DYNC1H1: variants seen among roughly 807,000 people sequenced by gnomAD.
DYNC1H1 encodes the protein cytoplasmic dynein 1 heavy chain 1.
A neutral mutation model predicts 527.1 loss-of-function variants in DYNC1H1; 51 were observed. The ratio of observed to expected loss-of-function variants is 0.10; its 90% CI spans 0.08 to 0.12. DYNC1H1 has a LOEUF of 0.12. Ranked by LOEUF, DYNC1H1 falls within the 10% of genes least tolerant of loss-of-function variation. The pLI, the probability that DYNC1H1 is intolerant of heterozygous loss-of-function variation, is 1.00. For synonymous variants in DYNC1H1, 2,189 were observed against 2,278.8 expected (o/e 0.96, Z 1.12); for missense variants, 2,771 against 5,971.8 (o/e 0.46, Z 17.66).
chr14:101,991,532 C>T lies in DYNC1H1; in HGVS notation c.2874C>T (p.Val958=), dbSNP rs150783632. The change falls in exon 11 of 78, where the codon GTC becomes GTT. Residue 958 remains valine, a synonymous_variant. Coordinates refer to ENST00000360184, the MANE Select transcript of DYNC1H1 (RefSeq NM_001376.5). ...KPGGEPKIKN[V]VHELRITNQV... ...ATGAAACCTTTCTTTCACAGAATGTCGTTCATGAGCTAAGAATAACCAATC... is the reference window on the plus strand; with the variant it reads ...ATGAAACCTTTCTTTCACAGAATGTTGTTCATGAGCTAAGAATAACCAATC... 5.6e-6 allele frequency: 9 copies of T among 1,614,170 alleles called. No homozygotes were observed. The highest frequency in any genetic ancestry group is 1.6e-4 in the Middle Eastern group (1 of 6,062).
chr14:102,027,342 C>T lies in DYNC1H1; in HGVS notation c.8887-41C>T, dbSNP rs375255558. On this transcript the variant is annotated intron_variant, in intron 45 of 77. Coordinates refer to ENST00000360184, the MANE Select transcript of DYNC1H1 (RefSeq NM_001376.5). This position sits in a 1 kb window ranked among gnomAD's most constrained non-coding sequence, Gnocchi z 7.7. ...CAGCAACAGATGTGTGTGCAGAGCT[C>T]AGTGAGTAGGAATGGACCTAACTTG... The T allele has an allele frequency of 5.6e-6, 9 of 1,613,910 alleles. No homozygotes were observed. Among genetic ancestry groups the T allele is most frequent in the Non-Finnish European group, 7.6e-6 (9 of 1,180,004 alleles).
rs2048535844 is a variant in DYNC1H1 at position 102,033,646 on chromosome 14, T to C, written c.10413+162T>C. 1 of 875,488 alleles carries C rather than the reference T, an allele frequency of 1.1e-6. No individual in the cohort carries two copies. The highest frequency in any genetic ancestry group is 2.0e-5 in the Admixed American group (1 of 48,896). The allele number at this position is 875,488 out of a possible 1,614,324, so 54.2% of individuals were successfully genotyped here. On this transcript the variant is annotated intron_variant, in intron 54 of 77. Coordinates refer to ENST00000360184, the MANE Select transcript of DYNC1H1 (RefSeq NM_001376.5). The surrounding 1 kb of genome is among the most constrained non-coding windows in gnomAD (Gnocchi z 5.6). ...TTCCTGGAAAATAATACACACTGAG[T>C]AGTCACTAAGTGTTGTTAATTAGGA...
Position 102,054,147 on chromosome 14 carries a change from C to T in DYNC1H1, c.*3584C>T, listed in dbSNP as rs952878270. On this transcript the variant is annotated 3_prime_UTR_variant, in exon 78 of 78. Coordinates refer to ENST00000360184, the MANE Select transcript of DYNC1H1 (RefSeq NM_001376.5). ...GCCTGAGCCTTGTTCCCAGAAAGCCCTCAACGCAGTGCTGGGCACAGACCT... is the reference window on the plus strand; with the variant it reads ...GCCTGAGCCTTGTTCCCAGAAAGCCTTCAACGCAGTGCTGGGCACAGACCT... 1 of 152,290 alleles carries T rather than the reference C, an allele frequency of 6.6e-6. No individual in the cohort carries two copies. Among genetic ancestry groups the T allele is most frequent in the Non-Finnish European group, 1.5e-5 (1 of 68,106 alleles). The allele number at this position is 152,290 out of a possible 1,614,324, so 9.4% of individuals were successfully genotyped here. A position where few individuals can be genotyped will look rare whatever the true frequency, so the allele number is the denominator to read the frequency against.
rs552617374 is a variant in DYNC1H1, at chr14:102,050,298, G to A, written c.13812+100G>A. On this transcript the variant is annotated intron_variant, in intron 77 of 77. Transcript: ENST00000360184. The stretch of plus-strand genomic sequence containing the variant: ...TATGCCTGGGTTCCACTTGGAACGG[G>A]AAATGAGGTTCACAGAGGAAATCCA... The A allele has an allele frequency of 9.7e-5, 157 of 1,611,150 alleles. 2 individuals carry two copies. In the South Asian group the frequency reaches 1.3e-3, roughly 13 times the overall value.
chr14:102,027,639 A>G lies in DYNC1H1; in HGVS notation c.9069A>G (p.Gly3023=), dbSNP rs532073330. 118 of 1,614,114 alleles carry G rather than the reference A, an allele frequency of 7.3e-5. 2 individuals carry two copies. The South Asian group carries it at 1.2e-3, about 16-fold the overall frequency. ...CCCAGGTGCCTGGTCTCTTTGAAGG[A>G]GACGAGTATGCCACCTTGATGACGC... is the stretch of plus-strand genomic sequence containing the variant. The part of the protein sequence containing the change: ...ANGEVPGLFE[G]DEYATLMTQC... Residue 3023 remains glycine (G), a synonymous_variant, in exon 47 of 78, where the codon GGA becomes GGG. Coordinates refer to ENST00000360184, the MANE Select transcript of DYNC1H1 (RefSeq NM_001376.5). This position sits in a 1 kb window ranked among gnomAD's most constrained non-coding sequence, Gnocchi z 7.7.
In DYNC1H1 at chr14:102,038,338, A is replaced by C; in HGVS notation, c.10909-122A>C. ...GCCACACATAGCTAGTGGCCACCAC[A>C]CGCAAGTGGCGGGTGGCTTTTGGGA... On this transcript the variant is annotated intron_variant, in intron 57 of 77. Coordinates refer to ENST00000360184, the MANE Select transcript of DYNC1H1 (RefSeq NM_001376.5). This position sits in a 1 kb window ranked among gnomAD's most constrained non-coding sequence, Gnocchi z 7.2. The C allele has an allele frequency of 6.7e-7, 1 of 1,486,472 alleles. No homozygotes were observed. The highest frequency in any genetic ancestry group is 9.1e-7 in the Non-Finnish European group (1 of 1,093,476). The allele number at this position is 1,486,472 out of a possible 1,614,324, so 92.1% of individuals were successfully genotyped here.
chr14:101,997,317 C>T lies in DYNC1H1; in HGVS notation c.3804+43C>T. 6.2e-7 allele frequency: 1 copy of T among 1,613,476 alleles called. No homozygotes were observed. Among genetic ancestry groups the T allele is most frequent in the African/African-American group, 1.3e-5 (1 of 75,034 alleles). On this transcript the variant is annotated intron_variant, in intron 16 of 77. Coordinates refer to ENST00000360184, the MANE Select transcript of DYNC1H1 (RefSeq NM_001376.5). This position sits in a 1 kb window ranked among gnomAD's most constrained non-coding sequence, Gnocchi z 4.8. ...GGGACGCAGGAGACTCCTCACCCAG[C>T]AGTGTGATTTGGTGACTTTCTTTCA...
rs1319903649 is a variant in DYNC1H1 at position 102,049,797 on chromosome 14, C to T, written c.13599C>T (p.Ser4533=). The change falls in exon 76 of 78, where the codon AGC becomes AGT. Residue 4533 remains serine (S), a synonymous_variant. Transcript: ENST00000360184. The surrounding 1 kb of genome is among the most constrained non-coding windows in gnomAD (Gnocchi z 5.5). ...GGCAGTATGTGGCCCAGGCCAACAG[C>T]TGGTCCCTGGAGGAGCTCTGCCTGG... ...ATRQYVAQAN[S]WSLEELCLEV... is the part of the protein sequence containing the mutation. The T allele has an allele frequency of 1.9e-6, 3 of 1,613,942 alleles. No homozygotes were observed. Among genetic ancestry groups the T allele is most frequent in the Non-Finnish European group, 1.7e-6 (2 of 1,180,044 alleles).
rs2048864235 is a variant in DYNC1H1, at chr14:102,055,291, A to G, written c.*4728A>G. ...CTCCTCCTGCATCAGCGCCCCACCC[A>G]ACAGAGCCGACCAGGCTGGGAACAC... On this transcript the variant is annotated 3_prime_UTR_variant, in exon 78 of 78. Transcript: ENST00000360184. 1.3e-5 allele frequency: 2 copies of G among 152,080 alleles called. No homozygotes were observed. 9.4% of individuals were successfully genotyped at this position (152,080 alleles called of 1,614,324 possible).
intron 11 of DYNC1H1, among the ~76,000 whole-genome samples, chr14:101,992,856 T>C (rs1031111698): frequency 2.0e-5 from 3 of 152,158 alleles, no homozygotes; most frequent in African/African-American, 7.2e-5. Context: ...CAGTGGCTGG[T>C]CTCCTTTCTC....
intron 1 of DYNC1H1, among the ~76,000 whole-genome samples, chr14:101,971,314 T>C (rs750016689): frequency 3.3e-5 from 5 of 151,932 alleles, no homozygotes; most frequent in South Asian, 4.2e-4. Flanking sequence ...GCTCGAGTGA[T>C]CCACCCACCT....
intron 62 of DYNC1H1, 110 bp from the exon 63 acceptor site, chr14:102,040,126 T>C (rs2048628340): frequency 2.1e-6 from 3 of 1,445,970 alleles, no homozygotes; most frequent in Non-Finnish European, 2.9e-6. Flanking sequence ...ATTATAGGCC[T>C]GAGCCACTGT....
rs780522040 is a variant in DYNC1H1 at position 102,022,794 on chromosome 14, G to A, written c.8551G>A (p.Asp2851Asn). The change falls in exon 43 of 78, where the codon GAC (aspartate) becomes AAC (asparagine). Residue 2851 changes from aspartate (D) to asparagine (N), a missense_variant. By Grantham distance (23) the Asp-to-Asn change is conservative (BLOSUM62 1). Around this residue, in one of 32 missense-constraint regions of DYNC1H1, gnomAD observed 163 missense variants for 346.9 expected, o/e 0.47. Transcript: ENST00000360184. ...GAGGCGTTGGACTGATGAGAACATC[G>A]ACACGGTTGCTCTGAAGCACTTCCC... ...EERRWTDENIDTVALKHFPNI... is the reference protein window; with the variant it reads ...EERRWTDENINTVALKHFPNI... 3.4e-5 allele frequency: 55 copies of A among 1,614,170 alleles called. No homozygotes were observed. In the East Asian group the frequency reaches 6.7e-4, roughly 20 times the overall value.
Position 102,042,374 on chromosome 14 carries a change from GTGT to G in DYNC1H1, c.12276-9_12276-7del. 2.5e-6 allele frequency: 4 copies of G among 1,614,210 alleles called. No homozygotes were observed. The highest frequency in any genetic ancestry group is 3.4e-6 in the Non-Finnish European group (4 of 1,180,044). On this transcript the variant is annotated splice_polypyrimidine_tract_variant and splice_region_variant and intron_variant, in intron 67 of 77. Coordinates refer to ENST00000360184, the MANE Select transcript of DYNC1H1 (RefSeq NM_001376.5). This position sits in a 1 kb window ranked among gnomAD's most constrained non-coding sequence, Gnocchi z 5.7. ...TGGCATGCTGTGTGACTCTCACTTT[GTGT>G]GTGCAGGTGGGTGATGCTGAAGAAT...
At chr14:102,022,671 GCAC>G (rs1595620762) in intron 42 of DYNC1H1, 77 bp from the exon 43 acceptor site, 1 of 1,603,256 alleles carries the variant, frequency 6.2e-7, no homozygotes, top group East Asian at 2.2e-5. Flanking sequence ...AGAGCCCACA[GCAC>G]CCACAAACAT....
chr14:102,005,951 G>A lies in DYNC1H1; in HGVS notation c.5497G>A (p.Ala1833Thr), dbSNP rs150846332. 16 of 1,614,214 alleles carry A rather than the reference G, an allele frequency of 9.9e-6. No individual in the cohort carries two copies. Among genetic ancestry groups the A allele is most frequent in the East Asian group, 2.2e-5 (1 of 44,888 alleles). ...RSLIKSKIDN[A>T]KSFEWLSQMR... ...CTTGATCAAAAGCAAGATTGACAAC[G>A]CCAAATCTTTTGAATGGCTCAGCCA... The change falls in exon 27 of 78, where the codon GCC (alanine) becomes ACC (threonine). Residue 1833 changes from alanine (A) to threonine (T), a missense_variant. Physicochemically the swap from Ala to Thr is moderately conservative, Grantham distance 58. Around this residue, in one of 32 missense-constraint regions of DYNC1H1, gnomAD observed 64 missense variants for 143.4 expected, o/e 0.45. Transcript: ENST00000360184. This position sits in a 1 kb window ranked among gnomAD's most constrained non-coding sequence, Gnocchi z 4.0.
chr14:102,027,065 A>G lies in DYNC1H1; in HGVS notation c.8772-109A>G, dbSNP rs2048459157. ...CAGTTGCTCAGCAAATGTTTAATAT[A>G]CAAGTTCAAGTTAAAACATGTCCAA... On this transcript the variant is annotated intron_variant, in intron 44 of 77. Coordinates refer to ENST00000360184, the MANE Select transcript of DYNC1H1 (RefSeq NM_001376.5). This position sits in a 1 kb window ranked among gnomAD's most constrained non-coding sequence, Gnocchi z 7.7. 1.6e-6 allele frequency: 2 copies of G among 1,262,950 alleles called. No homozygotes were observed. The highest frequency in any genetic ancestry group is 1.5e-5 in the African/African-American group (1 of 67,964). 78.2% of individuals were successfully genotyped at this position (1,262,950 alleles called of 1,614,324 possible).
Position 102,048,576 on chromosome 14 carries a change from G to A in DYNC1H1, c.13279G>A (p.Val4427Ile), listed in dbSNP as rs573728571. The change falls in exon 74 of 78, where the codon GTT becomes ATT. Residue 4427 changes from valine to isoleucine, a missense_variant. Coordinates refer to ENST00000360184, the MANE Select transcript of DYNC1H1 (RefSeq NM_001376.5). The part of the protein sequence containing the change: ...VKMGAKLLQD[V>I]RQDLADVVQV... ...GATGGGCGCAAAGCTGCTTCAGGAC[G>A]TTCGCCAGGACCTTGCAGATGTCGT... The A allele has an allele frequency of 2.4e-5, 38 of 1,614,228 alleles. No homozygotes were observed. Among genetic ancestry groups the A allele is most frequent in the East Asian group, 6.7e-5 (3 of 44,884 alleles).
In DYNC1H1 at chr14:102,000,786, C is replaced by A. The variant is rs368190198; in HGVS notation, c.4075-168C>A. The A allele has an allele frequency of 1.9e-3, 1,272 of 655,390 alleles. 14 individuals carry two copies. The African/African-American group carries it at 0.021, about 11-fold the overall frequency. 40.6% of individuals were successfully genotyped at this position (655,390 alleles called of 1,614,324 possible). A position where few individuals can be genotyped will look rare whatever the true frequency, so the allele number is the denominator to read the frequency against. On this transcript the variant is annotated intron_variant, in intron 18 of 77. Coordinates refer to ENST00000360184, the MANE Select transcript of DYNC1H1 (RefSeq NM_001376.5). ...ACAGGGTTTCTCCATATTGGTCAGG[C>A]TGGTCTCGAACTCCCGACCTCAAGT... is the stretch of plus-strand genomic sequence containing the variant.
Sources: allele counts gnomAD v4.1 joint callset (sites outside exome capture counted in the v4.1 genomes callset), GRCh38; gene constraint gnomAD v4.1.1; regional missense constraint gnomAD v4.1.1; non-coding constraint Gnocchi (gnomAD v3.1); transcripts MANE v1.5; gene names NCBI Gene and HGNC (gene_info 2026-07-23, HGNC 2026-07-21).